The following PALS1 variants were observed in gnomAD, a reference collection of about 807,000 sequenced individuals.
PALS1 encodes the protein protein associated with LIN7 1, MAGUK p55 family member, also known as protein PALS1.
In PALS1, 31 loss-of-function variants were observed where a neutral mutation model predicts 78.9. The ratio of observed to expected loss-of-function variants is 0.39; its 90% CI spans 0.30 to 0.53. The LOEUF is 0.53. PALS1 is among the 20% of genes least tolerant of loss of function. PALS1 has a pLI of 0.67. For synonymous variants in PALS1, 276 were observed against 270.9 expected, an observed-to-expected ratio of 1.02 and a Z score of -0.18; for missense variants, 704 against 826.5, an observed-to-expected ratio of 0.85 and a Z score of 1.82.
At chr14:67,287,777 A>G (rs1207112418) in intron 3 of PALS1, among the ~76,000 whole-genome samples, 1 of 152,228 alleles carries the variant, frequency 6.6e-6, no homozygotes, top group Non-Finnish European at 1.5e-5. Flanking sequence ...CAGCATTTTA[A>G]AAGTTTGAAA....
rs1476027194 is a variant in PALS1 at position 67,335,798 on chromosome 14, A to ATATT, written c.*2844_*2847dup. On this transcript the variant is annotated 3_prime_UTR_variant, in exon 15 of 15. Coordinates refer to ENST00000261681, the MANE Select transcript of PALS1 (RefSeq NM_022474.4). Reference sequence around the variant, plus strand: ...TATTGTAAAAATAAAAAGTAAAATTATATTTCAAATTTTAAAAGCCACTAA... The same window carrying ATATT: ...TATTGTAAAAATAAAAAGTAAAATTATATTTATTTCAAATTTTAAAAGCCACTAA... 1 of 152,556 alleles carries ATATT rather than the reference A, an allele frequency of 6.6e-6. No homozygotes were observed. The highest frequency in any genetic ancestry group is 1.5e-5 in the Non-Finnish European group (1 of 68,050). 9.5% of individuals were successfully genotyped at this position (152,556 alleles called of 1,614,324 possible).
At chr14:67,259,448 T>C (rs1461880703) in intron 1 of PALS1, among the ~76,000 whole-genome samples, 1 of 151,498 alleles carries the variant, frequency 6.6e-6, no homozygotes, top group Non-Finnish European at 1.5e-5. Flanking sequence ...CCGTCTCTAC[T>C]AAAAATATAA....
intron 3 of PALS1, among the ~76,000 whole-genome samples, chr14:67,286,108 G>A (rs112475450): frequency 6.6e-6 from 1 of 152,168 alleles, no homozygotes; most frequent in African/African-American, 2.4e-5. Context: ...TTCCTTGTAG[G>A]AAATTTGTTA....
At position 67,308,712 on chromosome 14, in the gene PALS1, C is replaced by T. The variant is rs1189054803; in HGVS notation, c.1042-3815C>T. Among the ~76,000 whole-genome samples, 6 of 151,832 alleles carry T rather than the reference C, an allele frequency of 4.0e-5. No individual in the cohort carries two copies. The East Asian group carries it at 1.2e-3, about 29-fold the overall frequency. The stretch of plus-strand genomic sequence containing the variant: ...AGCTACCCTGTACCGTGTACAAGTA[C>T]CATCTACTGTGCCACCAGCTAATTT... On this transcript the variant is annotated intron_variant, in intron 8 of 14. Transcript: ENST00000261681.
intron 14 of PALS1, among the ~76,000 whole-genome samples, chr14:67,325,975 T>TGCTC (rs1473603383): frequency 4.0e-5 from 5 of 125,024 alleles, no homozygotes; most frequent in Admixed American, 1.7e-4. Flanking sequence ...CACCCGGCTC[T>TGCTC]TTTCTTTTTT....
intron 1 of PALS1, among the ~76,000 whole-genome samples, chr14:67,256,098 T>C (rs190454996): frequency 1.5e-3 from 230 of 152,270 alleles, no homozygotes; most frequent in Non-Finnish European, 2.3e-3. Flanking sequence ...ACACATACTT[T>C]TTTTGTGTGA....
At chr14:67,321,576 G>C (rs922207545) in intron 13 of PALS1, among the ~76,000 whole-genome samples, 1 of 152,194 alleles carries the variant, frequency 6.6e-6, no homozygotes, top group Non-Finnish European at 1.5e-5. Flanking sequence ...CTTGAGGATA[G>C]ACCCAAGTCT....
At chr14:67,332,008 G>A (rs1036449626) in intron 14 of PALS1, among the ~76,000 whole-genome samples, 2 of 152,186 alleles carry the variant, frequency 1.3e-5, no homozygotes, top group African/African-American at 4.8e-5. Context: ...TACTGTTACA[G>A]AAGTTCAAAC....
Position 67,335,982 on chromosome 14 carries a change from T to G in PALS1, c.*3026T>G, listed in dbSNP as rs1253754759. The stretch of plus-strand genomic sequence containing the variant: ...CTTTACAGAGGGATAGTGCCCCCTG[T>G]TGGCACAGGTATAGGTAGGTCCTGT... On this transcript the variant is annotated 3_prime_UTR_variant, in exon 15 of 15. Coordinates refer to ENST00000261681, the MANE Select transcript of PALS1 (RefSeq NM_022474.4). Among the ~76,000 whole-genome samples, 1 of 152,236 alleles carries G rather than the reference T, an allele frequency of 6.6e-6. No individual in the cohort carries two copies. The highest frequency in any genetic ancestry group is 1.5e-5 in the Non-Finnish European group (1 of 68,044).
Position 67,312,441 on chromosome 14 carries a change from T to A in PALS1, c.1042-86T>A, listed in dbSNP as rs544565735. The A allele has an allele frequency of 9.4e-5, 91 of 972,824 alleles. No homozygotes were observed. In the African/African-American group the frequency reaches 1.3e-3, roughly 14 times the overall value. 60.3% of individuals were successfully genotyped at this position (972,824 alleles called of 1,614,324 possible). ...AAATTTTTTTAAAATTAAAAAATAATAAAAAATTTGTAGCATTTAAATTGT... is the reference window on the plus strand; with the variant it reads ...AAATTTTTTTAAAATTAAAAAATAAAAAAAAATTTGTAGCATTTAAATTGT... On this transcript the variant is annotated intron_variant, in intron 8 of 14. Transcript: ENST00000261681.
chr14:67,270,206 G>A (rs1208867225), intron 2 of PALS1: 1 of 152,108 alleles, frequency 6.6e-6, no homozygotes, highest in East Asian at 1.9e-4. Context: ...CACTTGTTGT[G>A]AAGCTTATTT....
chr14:67,289,859 C>G (rs1227860411), intron 3 of PALS1, among the ~76,000 whole-genome samples: 1 of 150,290 alleles, frequency 6.7e-6, no homozygotes. Flanking sequence ...CAAGCTCTGC[C>G]TCCTGGGTTC....
At position 67,279,089 on chromosome 14, in the gene PALS1, GA is replaced by G; in HGVS notation, c.-81del. On this transcript the variant is annotated 5_prime_UTR_variant, in exon 3 of 15. An upstream open reading frame in the 5' UTR gains an earlier in-frame stop. Transcript: ENST00000261681. ...AAGTTTTTTTTTTTGAAGTAACATG[GA>G]TTTTATACTACAGAATCAAGAGAAT... 1.5e-6 allele frequency: 2 copies of G among 1,318,440 alleles called. No individual in the cohort carries two copies. The highest frequency in any genetic ancestry group is 2.0e-6 in the Non-Finnish European group (2 of 1,002,436). The allele number at this position is 1,318,440 out of a possible 1,614,324, so 81.7% of individuals were successfully genotyped here. A position where few individuals can be genotyped will look rare whatever the true frequency, so the allele number is the denominator to read the frequency against.
intron 7 of PALS1, among the ~76,000 whole-genome samples, chr14:67,303,059 T>G (rs897518716): frequency 6.6e-6 from 1 of 152,240 alleles, no homozygotes; most frequent in Non-Finnish European, 1.5e-5. Flanking sequence ...AATTTAAAAT[T>G]CAGTTCCTTA....
chr14:67,310,226 T>G (rs879202611), intron 8 of PALS1, among the ~76,000 whole-genome samples: 1 of 152,174 alleles, frequency 6.6e-6, no homozygotes, highest in Admixed American at 6.5e-5. Flanking sequence ...TAGTGCTGAC[T>G]GAGAAAGATT....
intron 1 of PALS1, chr14:67,241,736 T>C (rs1261764863): frequency 6.6e-6 from 1 of 152,042 alleles, no homozygotes; most frequent in Non-Finnish European, 1.5e-5. Flanking sequence ...CCAACCTTTG[T>C]CCCTCGGAGC....
At chr14:67,288,570 G>C (rs1464403536) in intron 3 of PALS1, among the ~76,000 whole-genome samples, 1 of 152,146 alleles carries the variant, frequency 6.6e-6, no homozygotes, top group Admixed American at 6.5e-5. Flanking sequence ...GTCCCCATAA[G>C]ATTGTAGCTT....
intron 1 of PALS1, among the ~76,000 whole-genome samples, chr14:67,246,742 C>T (rs2083994369): frequency 6.7e-6 from 1 of 149,480 alleles, no homozygotes; most frequent in South Asian, 2.1e-4. Flanking sequence ...CTTCCCGCCT[C>T]CTGGGTTCAA....
At chr14:67,322,724 C>A (rs2085279939) in intron 13 of PALS1, among the ~76,000 whole-genome samples, 1 of 151,814 alleles carries the variant, frequency 6.6e-6, no homozygotes, top group South Asian at 2.1e-4. Flanking sequence ...TTTTAAAATT[C>A]TTATTTCTCC....
Sources: allele counts gnomAD v4.1 joint callset (sites outside exome capture counted in the v4.1 genomes callset), GRCh38; gene constraint gnomAD v4.1.1; transcripts MANE v1.5; gene names NCBI Gene and HGNC (gene_info 2026-07-23, HGNC 2026-07-21).